TRIM72: variants seen among roughly 807,000 people sequenced by gnomAD.
TRIM72 encodes the protein tripartite motif containing 72.
In TRIM72, 33 loss-of-function variants were observed where a neutral mutation model predicts 31.6. That is an observed-to-expected ratio of 1.04 (90% CI 0.79 to 1.40). TRIM72 has a LOEUF of 1.40. TRIM72 is among the 40% of genes most tolerant of loss of function. The pLI, the probability that TRIM72 is intolerant of heterozygous loss-of-function variation, is 0.00. For missense variants in TRIM72, 666 were observed against 682.7 expected, an observed-to-expected ratio of 0.98 and a Z score of 0.27; for synonymous variants, 301 against 314.4, an observed-to-expected ratio of 0.96 and a Z score of 0.45.
chr16:31,214,590 A>G, intron 1 of TRIM72, 142 bp from the exon 2 acceptor site: 1 of 952,074 alleles, frequency 1.1e-6, no homozygotes, highest in Non-Finnish European at 1.4e-6. Context: ...TCAGAGTCCC[A>G]TCCAGTGTAG....
Position 31,224,473 on chromosome 16 carries a change from G to A in TRIM72, c.1152G>A (p.Gly384=). 1.4e-6 allele frequency: 2 copies of A among 1,474,704 alleles called. No individual in the cohort carries two copies. Among genetic ancestry groups the A allele is most frequent in the Non-Finnish European group, 8.9e-7 (1 of 1,123,930 alleles). The allele number at this position is 1,474,704 out of a possible 1,614,324, so 91.4% of individuals were successfully genotyped here. A position where few individuals can be genotyped will look rare whatever the true frequency, so the allele number is the denominator to read the frequency against. Residue 384 remains glycine, a synonymous_variant, in exon 7 of 7, where the codon GGG becomes GGA. Coordinates refer to ENST00000322122, the MANE Select transcript of TRIM72 (RefSeq NM_001008274.4). ...AVPSQGLWLL[G]LREGKILEAH... Reference sequence around the variant, plus strand: ...CCTCGCAGGGCCTGTGGCTGCTGGGGCTGCGCGAGGGCAAGATCCTGGAGG... The same window carrying A: ...CCTCGCAGGGCCTGTGGCTGCTGGGACTGCGCGAGGGCAAGATCCTGGAGG...
In TRIM72 at chr16:31,219,634, C is replaced by T. The variant is rs547933746; in HGVS notation, c.717+115C>T. On this transcript the variant is annotated intron_variant, in intron 4 of 6. Transcript: ENST00000322122. The surrounding 1 kb of genome is among the most constrained non-coding windows in gnomAD (Gnocchi z 4.2). ...CAGGGATAAGCCAGCAGCACACAGC[C>T]GGGAGGGGCAGGCCTCAGGACTGCT... 1.2e-5 allele frequency: 12 copies of T among 983,858 alleles called. No individual in the cohort carries two copies. The highest frequency in any genetic ancestry group is 8.1e-5 in the Admixed American group (3 of 36,956). 60.9% of individuals were successfully genotyped at this position (983,858 alleles called of 1,614,324 possible).
rs1160718865 is a variant in TRIM72, at chr16:31,225,643, C to CTTTTTTTTTTTTTTTTTTT, written c.*896_*914dup. ...AAATGCTCATTTCTTTTTTTTATTTCTTTTTTTTTTTTTTTTTTTTTTTTT... is the reference window on the plus strand; with the variant it reads ...AAATGCTCATTTCTTTTTTTTATTTCTTTTTTTTTTTTTTTTTTTTTTTTTTTTTTTTTTTTTTTTTTTT... On this transcript the variant is annotated 3_prime_UTR_variant, in exon 7 of 7. Coordinates refer to ENST00000322122, the MANE Select transcript of TRIM72 (RefSeq NM_001008274.4). 10 of 81,104 alleles carry CTTTTTTTTTTTTTTTTTTT rather than the reference C, an allele frequency of 1.2e-4. No individual in the cohort carries two copies. The highest frequency in any genetic ancestry group is 3.1e-4 in the Admixed American group (2 of 6,436). 5.0% of individuals were successfully genotyped at this position (81,104 alleles called of 1,614,324 possible). A position where few individuals can be genotyped will look rare whatever the true frequency, so the allele number is the denominator to read the frequency against.
At position 31,226,288 on chromosome 16, in the gene TRIM72, C is replaced by T. The variant is rs1210243855; in HGVS notation, c.*1533C>T. The T allele has an allele frequency of 6.6e-6, 1 of 152,078 alleles. No individual in the cohort carries two copies. Among genetic ancestry groups the T allele is most frequent in the African/African-American group, 2.4e-5 (1 of 41,418 alleles). The allele number at this position is 152,078 out of a possible 1,614,324, so 9.4% of individuals were successfully genotyped here. ...TGCACCAGGAGTGGAAGGAAACAAA[C>T]AAACATAAACCAAAGCAAAGACACT... On this transcript the variant is annotated 3_prime_UTR_variant, in exon 7 of 7. Coordinates refer to ENST00000322122, the MANE Select transcript of TRIM72 (RefSeq NM_001008274.4).
chr16:31,215,071 C>T lies in TRIM72; in HGVS notation c.333C>T (p.Leu111=). The change falls in exon 2 of 7, where the codon CTC becomes CTT. Residue 111 remains leucine (L), a synonymous_variant. Coordinates refer to ENST00000322122, the MANE Select transcript of TRIM72 (RefSeq NM_001008274.4). This position sits in a 1 kb window ranked among gnomAD's most constrained non-coding sequence, Gnocchi z 6.3. The stretch of plus-strand genomic sequence containing the variant: ...TGGTGTGCGGAGTGTGCGCCTCACT[C>T]GGCTCGCACCGCGGTCATCGCCTCC... ...RALVCGVCAS[L]GSHRGHRLLP... is the part of the protein sequence containing the mutation. 3 of 1,457,772 alleles carry T rather than the reference C, an allele frequency of 2.1e-6. No individual in the cohort carries two copies. Among genetic ancestry groups the T allele is most frequent in the South Asian group, 1.4e-5 (1 of 70,906 alleles). The allele number at this position is 1,457,772 out of a possible 1,614,324, so 90.3% of individuals were successfully genotyped here. A position where few individuals can be genotyped will look rare whatever the true frequency, so the allele number is the denominator to read the frequency against.
chr16:31,222,229 C>T (rs1182816069), intron 5 of TRIM72, among the ~76,000 whole-genome samples: 1 of 151,964 alleles, frequency 6.6e-6, no homozygotes, highest in Non-Finnish European at 1.5e-5. Flanking sequence ...CTCACCTCTA[C>T]TAAAAACACA....
Position 31,224,718 on chromosome 16 carries a change from C to T in TRIM72, c.1397C>T (p.Pro466Leu), listed in dbSNP as rs889577918. The T allele has an allele frequency of 3.9e-6, 6 of 1,527,180 alleles. No homozygotes were observed. The highest frequency in any genetic ancestry group is 2.0e-5 in the Admixed American group (1 of 50,008). The allele number at this position is 1,527,180 out of a possible 1,614,324, so 94.6% of individuals were successfully genotyped here. Residue 466 changes from proline (P) to leucine (L), a missense_variant, in exon 7 of 7, where the codon CCG becomes CTG. Coordinates refer to ENST00000322122, the MANE Select transcript of TRIM72 (RefSeq NM_001008274.4). ...CACGACAAGGGCAAGAATGCCCAGC[C>T]GCTGCTGCTCGTGGGTCCCGAAGGC... ...CWHDKGKNAQ[P>L]LLLVGPEGAE...
chr16:31,223,780 G>A (rs1362592581), intron 6 of TRIM72, among the ~76,000 whole-genome samples: 1 of 152,058 alleles, frequency 6.6e-6, no homozygotes, highest in African/African-American at 2.4e-5. Context: ...GGTGGCACGT[G>A]GCTGTAGTCC....
chr16:31,219,002 T>G lies in TRIM72; in HGVS notation c.391-93T>G. 2.6e-6 allele frequency: 3 copies of G among 1,162,626 alleles called. No individual in the cohort carries two copies. Among genetic ancestry groups the G allele is most frequent in the Non-Finnish European group, 3.7e-6 (3 of 816,036 alleles). 72.0% of individuals were successfully genotyped at this position (1,162,626 alleles called of 1,614,324 possible). A position where few individuals can be genotyped will look rare whatever the true frequency, so the allele number is the denominator to read the frequency against. On this transcript the variant is annotated intron_variant, in intron 2 of 6. Coordinates refer to ENST00000322122, the MANE Select transcript of TRIM72 (RefSeq NM_001008274.4). The surrounding 1 kb of genome is among the most constrained non-coding windows in gnomAD (Gnocchi z 4.2). The stretch of plus-strand genomic sequence containing the variant: ...AAGATGGCTGGAGGAGGAGCTGGCA[T>G]TGAGGTTGAGCCACAGAGGGCAGGT...
rs74417384 is a variant in TRIM72 at position 31,215,751 on chromosome 16, G to A, written c.390+623G>A. On this transcript the variant is annotated intron_variant, in intron 2 of 6. Transcript: ENST00000322122. This position sits in a 1 kb window ranked among gnomAD's most constrained non-coding sequence, Gnocchi z 6.3. ...ATGTGTGCGGGCCCAGGGTGGCACCGAGAGCCCCGTCCAGGATGTTTTTCT... is the reference window on the plus strand; with the variant it reads ...ATGTGTGCGGGCCCAGGGTGGCACCAAGAGCCCCGTCCAGGATGTTTTTCT... 2.0e-5 allele frequency among the ~76,000 whole-genome samples: 3 copies of A among 152,186 alleles called. No homozygotes were observed. The highest frequency in any genetic ancestry group is 6.5e-5 in the Admixed American group (1 of 15,282).
At position 31,216,709 on chromosome 16, in the gene TRIM72, C is replaced by G. The variant is rs773582347; in HGVS notation, c.390+1581C>G. 1 of 1,557,278 alleles carries G rather than the reference C, an allele frequency of 6.4e-7. No individual in the cohort carries two copies. Among genetic ancestry groups the G allele is most frequent in the South Asian group, 1.2e-5 (1 of 84,080 alleles). On this transcript the variant is annotated intron_variant, in intron 2 of 6. Coordinates refer to ENST00000322122, the MANE Select transcript of TRIM72 (RefSeq NM_001008274.4). The surrounding 1 kb of genome is among the most constrained non-coding windows in gnomAD (Gnocchi z 6.7). ...CGGGACCTGACGCGTGGGTCCTTGG[C>G]GAGGAAGCGGGGTTGGGTCCCGAGA... is the stretch of plus-strand genomic sequence containing the variant.
chr16:31,218,826 G>T (rs1049688040), intron 2 of TRIM72, among the ~76,000 whole-genome samples: 2 of 152,036 alleles, frequency 1.3e-5, no homozygotes, highest in African/African-American at 4.8e-5. Context: ...CTCCAGCCAG[G>T]GCAACAGTGT....
intron 5 of TRIM72, among the ~76,000 whole-genome samples, chr16:31,222,223 C>T (rs1380695278): frequency 6.6e-6 from 1 of 151,894 alleles, no homozygotes; most frequent in Non-Finnish European, 1.5e-5. Context: ...CAAAACCTCA[C>T]CTCTACTAAA....
At chr16:31,221,002 T>G in intron 5 of TRIM72, 84 bp downstream of exon 5, 2 of 1,555,658 alleles carry the variant, frequency 1.3e-6, no homozygotes, top group Middle Eastern at 1.7e-4. Context: ...CACTCACTAT[T>G]GTGCCTGCAC....
In TRIM72 at chr16:31,215,440, G is replaced by C. The variant is rs1476958491; in HGVS notation, c.390+312G>C. On this transcript the variant is annotated intron_variant, in intron 2 of 6. Transcript: ENST00000322122. This position sits in a 1 kb window ranked among gnomAD's most constrained non-coding sequence, Gnocchi z 6.3. ...AGCCCCAGGGCGGGTCTGATGGGCCGGGCGGAGCCAGGCGGAGCAGGGACT... is the reference window on the plus strand; with the variant it reads ...AGCCCCAGGGCGGGTCTGATGGGCCCGGCGGAGCCAGGCGGAGCAGGGACT... Among the ~76,000 whole-genome samples the C allele has an allele frequency of 6.6e-6, 1 of 152,168 alleles. No homozygotes were observed. Among genetic ancestry groups the C allele is most frequent in the Non-Finnish European group, 1.5e-5 (1 of 68,026 alleles).
intron 4 of TRIM72, 105 bp from the exon 5 acceptor site, chr16:31,220,787 ATTCT>A: frequency 1.4e-6 from 2 of 1,435,368 alleles, no homozygotes; most frequent in South Asian, 2.3e-5. Flanking sequence ...AGCTTTTCTG[ATTCT>A]TTCTGACGTT....
chr16:31,230,820 A>G lies in TRIM72; in HGVS notation c.*6065A>G, dbSNP rs2079567720. 1 of 151,916 alleles carries G rather than the reference A, an allele frequency of 6.6e-6. No individual in the cohort carries two copies. The highest frequency in any genetic ancestry group is 1.5e-5 in the Non-Finnish European group (1 of 68,012). 9.4% of individuals were successfully genotyped at this position (151,916 alleles called of 1,614,324 possible). On this transcript the variant is annotated 3_prime_UTR_variant, in exon 7 of 7. Coordinates refer to ENST00000322122, the MANE Select transcript of TRIM72 (RefSeq NM_001008274.4). Reference sequence around the variant, plus strand: ...CCGGGCCAGTGCACCTAACTAAATAATAAATAATAAGTATCCTCCTCAACC... The same window carrying G: ...CCGGGCCAGTGCACCTAACTAAATAGTAAATAATAAGTATCCTCCTCAACC...
intron 5 of TRIM72, among the ~76,000 whole-genome samples, chr16:31,221,883 G>T (rs956912269): frequency 2.6e-5 from 4 of 151,244 alleles, no homozygotes; most frequent in Non-Finnish European, 2.9e-5. Context: ...AGGGAAAAGG[G>T]CGTTGCTGGG....
At position 31,226,178 on chromosome 16, in the gene TRIM72, T is replaced by C. The variant is rs1289257282; in HGVS notation, c.*1423T>C. 6.6e-6 allele frequency: 1 copy of C among 152,136 alleles called. No individual in the cohort carries two copies. Among genetic ancestry groups the C allele is most frequent in the East Asian group, 1.9e-4 (1 of 5,184 alleles). 9.4% of individuals were successfully genotyped at this position (152,136 alleles called of 1,614,324 possible). ...GCTGACGCTGCGGGAAGCCCTGACC[T>C]AGTGCACAACCCATTGGGCTCTTCA... On this transcript the variant is annotated 3_prime_UTR_variant, in exon 7 of 7. Coordinates refer to ENST00000322122, the MANE Select transcript of TRIM72 (RefSeq NM_001008274.4).
Sources: allele counts gnomAD v4.1 joint callset (sites outside exome capture counted in the v4.1 genomes callset), GRCh38; gene constraint gnomAD v4.1.1; non-coding constraint Gnocchi (gnomAD v3.1); transcripts MANE v1.5; gene names NCBI Gene and HGNC (gene_info 2026-07-23, HGNC 2026-07-21).